PCDHGA6: variants seen among roughly 807,000 people sequenced by gnomAD.
PCDHGA6 encodes protocadherin gamma subfamily A, 6, also known as protocadherin gamma-A6.
PCDHGA6 carries 41 observed loss-of-function variants against 60.6 expected under a neutral mutation model. The ratio of observed to expected loss-of-function variants is 0.68; its 90% CI spans 0.53 to 0.88. The LOEUF is 0.88. Among genes scored for constraint, PCDHGA6 ranks in the 40% least tolerant of loss-of-function variants. The probability of loss-of-function intolerance (pLI) is 0.00; values close to 1 mark genes in which losing one functional copy is unlikely to be tolerated. For synonymous variants in PCDHGA6, 594 were observed against 524.4 expected (o/e 1.13, Z -1.81); for missense variants, 1,312 against 1,203.0 (o/e 1.09, Z -1.34).
chr5:141,427,096 T>A, intron 1 of PCDHGA6: 1 of 458,056 alleles, frequency 2.2e-6, no homozygotes, highest in Non-Finnish European at 4.4e-6. Flanking sequence ...GATGAGGGTG[T>A]CAATGCGGAG....
intron 1 of PCDHGA6, chr5:141,422,532 A>G (rs752364905): frequency 6.2e-7 from 1 of 1,614,030 alleles, no homozygotes; most frequent in South Asian, 1.1e-5. Flanking sequence ...CTTTGTCTGC[A>G]GAAACTCATG....
chr5:141,478,179 A>C, intron 1 of PCDHGA6: 1 of 1,613,996 alleles, frequency 6.2e-7, no homozygotes, highest in Non-Finnish European at 8.5e-7. Context: ...GAGCAGAAAA[A>C]AAATCTCACC....
At position 141,431,052 on chromosome 5, in the gene PCDHGA6, G is replaced by A. The variant is rs148326556; in HGVS notation, c.2424+54545G>A. On this transcript the variant is annotated intron_variant, in intron 1 of 3. Transcript: ENST00000517434. The surrounding 1 kb of genome is among the most constrained non-coding windows in gnomAD (Gnocchi z 4.8). Reference sequence around the variant, plus strand: ...ATAGACCGGGAGGAGCTCTGTATGGGGGCCATCAAGTGTCAATTAAATCTA... The same window carrying A: ...ATAGACCGGGAGGAGCTCTGTATGGAGGCCATCAAGTGTCAATTAAATCTA... 2 of 1,614,228 alleles carry A rather than the reference G, an allele frequency of 1.2e-6. No individual in the cohort carries two copies. The highest frequency in any genetic ancestry group is 1.7e-6 in the Non-Finnish European group (2 of 1,180,044).
Position 141,464,048 on chromosome 5 carries a change from T to G in PCDHGA6, c.2425-30759T>G, listed in dbSNP as rs377735829. Reference sequence around the variant, plus strand: ...GGGAGGCCAAGGCGGGTGGATCACCTGAGGTCAGGAGTTCAAGGCCAGCCT... The same window carrying G: ...GGGAGGCCAAGGCGGGTGGATCACCGGAGGTCAGGAGTTCAAGGCCAGCCT... On this transcript the variant is annotated intron_variant, in intron 1 of 3. Transcript: ENST00000517434. 1.2e-4 allele frequency among the ~76,000 whole-genome samples: 18 copies of G among 152,260 alleles called. No individual in the cohort carries two copies. In the East Asian group the frequency reaches 3.5e-3, roughly 29 times the overall value.
In PCDHGA6 at chr5:141,476,853, A is replaced by G; in HGVS notation, c.2425-17954A>G. ...AATGACAATGCGCCTGTCTTCAACCAGTCCTTGTACCGGGCGCGCGTCCTG... is the reference window on the plus strand; with the variant it reads ...AATGACAATGCGCCTGTCTTCAACCGGTCCTTGTACCGGGCGCGCGTCCTG... On this transcript the variant is annotated intron_variant, in intron 1 of 3. Coordinates refer to ENST00000517434, the MANE Select transcript of PCDHGA6 (RefSeq NM_018919.3). This position sits in a 1 kb window ranked among gnomAD's most constrained non-coding sequence, Gnocchi z 7.6. The G allele has an allele frequency of 6.2e-7, 1 of 1,613,870 alleles. No individual in the cohort carries two copies. Among genetic ancestry groups the G allele is most frequent in the Non-Finnish European group, 8.5e-7 (1 of 1,180,042 alleles).
At chr5:141,499,707 T>G (rs1303008532) in intron 2 of PCDHGA6, among the ~76,000 whole-genome samples, 2 of 150,494 alleles carry the variant, frequency 1.3e-5, no homozygotes, top group African/African-American at 2.5e-5. Flanking sequence ...TTTTTTTTTT[T>G]TTTTGGAGAC....
chr5:141,389,194 C>A (rs760691972), intron 1 of PCDHGA6: 15 of 1,613,922 alleles, frequency 9.3e-6, no homozygotes, highest in Non-Finnish European at 1.0e-5. Context: ...TCCAGCATCA[C>A]CCTGCACATT....
At chr5:141,413,748 T>G (rs1264580781) in intron 1 of PCDHGA6, 1 of 1,613,288 alleles carries the variant, frequency 6.2e-7, no homozygotes, top group Admixed American at 1.7e-5. Flanking sequence ...GCCGTGCCAA[T>G]GGCGTCAAGT....
In PCDHGA6 at chr5:141,485,079, A is replaced by C; in HGVS notation, c.2425-9728A>C. ...AACCGCGCCAGAGCTGGCGCGGGGA[A>C]AGGGAGATAGGTGTCTCCAGCTGCT... is the stretch of plus-strand genomic sequence containing the variant. On this transcript the variant is annotated intron_variant, in intron 1 of 3. Transcript: ENST00000517434. This position sits in a 1 kb window ranked among gnomAD's most constrained non-coding sequence, Gnocchi z 5.7. 1 of 949,456 alleles carries C rather than the reference A, an allele frequency of 1.1e-6. No individual in the cohort carries two copies. The highest frequency in any genetic ancestry group is 1.6e-6 in the Non-Finnish European group (1 of 614,758). 58.8% of individuals were successfully genotyped at this position (949,456 alleles called of 1,614,324 possible).
At chr5:141,460,132 T>TAAAA in intron 1 of PCDHGA6, among the ~76,000 whole-genome samples, 1 of 152,036 alleles carries the variant, frequency 6.6e-6, no homozygotes, top group South Asian at 2.1e-4. Context: ...GTAATATATA[T>TAAAA]ATTCTTGATG....
chr5:141,476,317 G>C lies in PCDHGA6; in HGVS notation c.2425-18490G>C, dbSNP rs759809060. The C allele has an allele frequency of 1.2e-6, 2 of 1,614,052 alleles. No homozygotes were observed. The highest frequency in any genetic ancestry group is 2.7e-5 in the African/African-American group (2 of 74,922). ...GTAGCCTCTCAGCCCGCAGGTTCCGGGTGGTGTCTGGAGCTAGCCGAAGAT... is the reference window on the plus strand; with the variant it reads ...GTAGCCTCTCAGCCCGCAGGTTCCGCGTGGTGTCTGGAGCTAGCCGAAGAT... On this transcript the variant is annotated intron_variant, in intron 1 of 3. Coordinates refer to ENST00000517434, the MANE Select transcript of PCDHGA6 (RefSeq NM_018919.3). The surrounding 1 kb of genome is among the most constrained non-coding windows in gnomAD (Gnocchi z 7.6).
chr5:141,492,425 C>T (rs1243599547), intron 1 of PCDHGA6, among the ~76,000 whole-genome samples: 1 of 152,254 alleles, frequency 6.6e-6, no homozygotes, highest in Non-Finnish European at 1.5e-5. Flanking sequence ...CTCCGCCGGG[C>T]TCAGGAGTAC....
intron 1 of PCDHGA6, chr5:141,413,182 G>A (rs752788034): frequency 6.2e-7 from 1 of 1,604,164 alleles, no homozygotes; most frequent in Non-Finnish European, 8.5e-7. Context: ...TACAATGGCC[G>A]CTCAAAGGAA....
At chr5:141,380,342 T>C (rs1288076589) in intron 1 of PCDHGA6, among the ~76,000 whole-genome samples, 1 of 152,198 alleles carries the variant, frequency 6.6e-6, no homozygotes, top group Admixed American at 6.5e-5. Context: ...CAAAGAACTG[T>C]TTTGTTGTTT....
Position 141,376,684 on chromosome 5 carries a change from T to G in PCDHGA6, c.2424+177T>G, listed in dbSNP as rs574993154. 1.2e-3 allele frequency: 1,011 copies of G among 809,238 alleles called. 6 individuals carry two copies. Among genetic ancestry groups the G allele is most frequent in the Non-Finnish European group, 1.3e-3 (680 of 543,972 alleles). The allele number at this position is 809,238 out of a possible 1,614,324, so 50.1% of individuals were successfully genotyped here. On this transcript the variant is annotated intron_variant, in intron 1 of 3. Coordinates refer to ENST00000517434, the MANE Select transcript of PCDHGA6 (RefSeq NM_018919.3). ...GTTCAGGTGAGGGTATCGTTTTTTT[T>G]TTTTTTTTTTTTTGAGACGGAGTCT...
intron 1 of PCDHGA6, chr5:141,383,948 C>T (rs199642192): frequency 3.1e-6 from 5 of 1,613,482 alleles, no homozygotes; most frequent in East Asian, 4.5e-5. Context: ...GTGACTATGA[C>T]GTCTTTAAGT....
intron 1 of PCDHGA6, chr5:141,390,447 G>A: frequency 1.2e-6 from 1 of 843,848 alleles, no homozygotes; most frequent in Non-Finnish European, 1.8e-6. Flanking sequence ...TACAAAGGAG[G>A]AGTAAAGTAG....
chr5:141,466,812 G>A (rs1394979761), intron 1 of PCDHGA6, among the ~76,000 whole-genome samples: 3 of 151,940 alleles, frequency 2.0e-5, no homozygotes, highest in Non-Finnish European at 4.4e-5. Flanking sequence ...ATTCAGACAT[G>A]GTATAACAAG....
At chr5:141,399,512 C>T (rs2093823931) in intron 1 of PCDHGA6, 1 of 1,614,044 alleles carries the variant, frequency 6.2e-7, no homozygotes, top group East Asian at 2.2e-5. Context: ...GAAAACAACC[C>T]TCCTGGGGCC....
Sources: allele counts gnomAD v4.1 joint callset (sites outside exome capture counted in the v4.1 genomes callset), GRCh38; gene constraint gnomAD v4.1.1; non-coding constraint Gnocchi (gnomAD v3.1); transcripts MANE v1.5; gene names NCBI Gene and HGNC (gene_info 2026-07-23, HGNC 2026-07-21).